The following APAF1 variants were observed in gnomAD, a reference collection of about 807,000 sequenced individuals.
APAF1 encodes apoptotic peptidase activating factor 1.
Under a neutral mutation model 152.4 loss-of-function variants are expected in APAF1, and 91 were observed. That is an observed-to-expected ratio of 0.60 (90% CI 0.50 to 0.71). The LOEUF is 0.71. Ranked by LOEUF, APAF1 falls within the 30% of genes least tolerant of loss-of-function variation. The pLI is 0.00. For synonymous variants in APAF1, 484 were observed against 494.1 expected, an observed-to-expected ratio of 0.98 and a Z score of 0.27; for missense variants, 1,283 against 1,472.0, an observed-to-expected ratio of 0.87 and a Z score of 2.10.
intron 16 of APAF1, among the ~76,000 whole-genome samples, chr12:98,691,225 CTGTACT>C (rs1565878554): frequency 6.6e-6 from 1 of 151,938 alleles, no homozygotes; most frequent in Non-Finnish European, 1.5e-5. Flanking sequence ...AGAAAAAATC[CTGTACT>C]TGTACCTACT....
In APAF1 at chr12:98,667,536, T is replaced by A. The variant is rs781296082; in HGVS notation, c.1386T>A (p.Thr462=). The A allele has an allele frequency of 5.0e-5, 80 of 1,613,874 alleles. No individual in the cohort carries two copies. Among genetic ancestry groups the A allele is most frequent in the Non-Finnish European group, 6.3e-5 (74 of 1,179,994 alleles). The change falls in exon 10 of 27, where the codon ACT becomes ACA. Residue 462 remains threonine, a synonymous_variant. Transcript: ENST00000551964. The part of the protein sequence containing the change: ...QLQDLHKKII[T]QFQRYHQPHT... ...AGGATCTACATAAGAAGATAATCACTCAGTTTCAGAGATATCACCAGCCGC... is the reference window on the plus strand; with the variant it reads ...AGGATCTACATAAGAAGATAATCACACAGTTTCAGAGATATCACCAGCCGC...
At chr12:98,654,412 A>T (rs2097653721) in intron 4 of APAF1, among the ~76,000 whole-genome samples, 1 of 151,938 alleles carries the variant, frequency 6.6e-6, no homozygotes, top group South Asian at 2.1e-4. Context: ...GATTTTTACA[A>T]ATTTTATTTT....
chr12:98,699,296 A>T, intron 16 of APAF1, 112 bp from the exon 17 acceptor site: 2 of 1,068,718 alleles, frequency 1.9e-6, no homozygotes, highest in Non-Finnish European at 2.7e-6. Context: ...AGGTAAAAAT[A>T]ATTCATCAAG....
In APAF1 at chr12:98,648,414, G is replaced by A. The variant is rs2097644749; in HGVS notation, c.55G>A (p.Asp19Asn). Residue 19 changes from aspartate to asparagine, a missense_variant, in exon 2 of 27, where the codon GAC becomes AAC. Transcript: ENST00000551964. ...LLQHREALEKDIKTSYIMDHM... is the reference protein window; with the variant it reads ...LLQHREALEKNIKTSYIMDHM... ...TCAACATAGAGAAGCTCTGGAAAAG[G>A]ACATCAAGACATCCTACATCATGGA... 2.5e-6 allele frequency: 4 copies of A among 1,614,050 alleles called. No homozygotes were observed. Among genetic ancestry groups the A allele is most frequent in the Non-Finnish European group, 3.4e-6 (4 of 1,179,954 alleles).
At chr12:98,650,224 C>T (rs142489760) in intron 4 of APAF1, among the ~76,000 whole-genome samples, 25 of 152,054 alleles carry the variant, frequency 1.6e-4, no homozygotes, top group East Asian at 3.9e-4. Flanking sequence ...AGGCCAGGCA[C>T]GGTGGCTCAT....
chr12:98,715,359 T>A (rs2097733549), intron 21 of APAF1, 68 bp from the exon 22 acceptor site: 24 of 1,511,586 alleles, frequency 1.6e-5, no homozygotes, highest in Non-Finnish European at 2.1e-5. Flanking sequence ...TAGTTTAATA[T>A]CTTTGGGGTG....
In APAF1 at chr12:98,677,473, C is replaced by A; in HGVS notation, c.1842C>A (p.His614Gln). 6.2e-7 allele frequency: 1 copy of A among 1,614,128 alleles called. No individual in the cohort carries two copies. Among genetic ancestry groups the A allele is most frequent in the Non-Finnish European group, 8.5e-7 (1 of 1,180,008 alleles). ...TTTCCCGCTTAGTTGTCCGCCCCCA[C>A]ACAGATGCTGTTTACCATGCCTGCT... ...TNLSRLVVRP[H>Q]TDAVYHACFS... is the part of the protein sequence containing the mutation. The change falls in exon 13 of 27, where the codon CAC becomes CAA. Residue 614 changes from histidine (H) to glutamine (Q), a missense_variant. Coordinates refer to ENST00000551964, the MANE Select transcript of APAF1 (RefSeq NM_181861.2).
chr12:98,691,645 T>C (rs1410852589), intron 16 of APAF1, among the ~76,000 whole-genome samples: 1 of 152,228 alleles, frequency 6.6e-6, no homozygotes, highest in African/African-American at 2.4e-5. Context: ...TGAAATCTGA[T>C]ATTTTTCTTT....
intron 10 of APAF1, 32 bp from the exon 11 acceptor site, chr12:98,670,941 G>T (rs2097679375): frequency 6.4e-6 from 9 of 1,412,954 alleles, no homozygotes; most frequent in Non-Finnish European, 8.0e-6. Context: ...ATCTCTAACA[G>T]TGCTGCTGAT....
At chr12:98,675,979 T>C (rs2097686062) in intron 12 of APAF1, among the ~76,000 whole-genome samples, 3 of 152,292 alleles carry the variant, frequency 2.0e-5, no homozygotes, top group East Asian at 3.9e-4. Flanking sequence ...ATTTGACATA[T>C]GAAGAAATAA....
At chr12:98,702,110 G>C (rs987206600) in intron 17 of APAF1, among the ~76,000 whole-genome samples, 5 of 151,784 alleles carry the variant, frequency 3.3e-5, no homozygotes, top group African/African-American at 1.2e-4. Context: ...CTTTCGCCCA[G>C]GCTGGAGTGC....
intron 17 of APAF1, 109 bp downstream of exon 17, chr12:98,699,678 A>G: frequency 7.7e-7 from 1 of 1,291,726 alleles, no homozygotes; most frequent in Non-Finnish European, 1.1e-6. Flanking sequence ...TAGCTGTGTG[A>G]TTTTGGGCAG....
rs1442977856 is a variant in APAF1, at chr12:98,711,797, GTTC to G, written c.2842-517_2842-515del. On this transcript the variant is annotated intron_variant, in intron 20 of 26. Coordinates refer to ENST00000551964, the MANE Select transcript of APAF1 (RefSeq NM_181861.2). ...CCAGCTACACAAATTATGCTTATGA[GTTC>G]TTCTCCATTGTCCTCACTGCCCCAG... 2.0e-5 allele frequency among the ~76,000 whole-genome samples: 3 copies of G among 151,802 alleles called. No homozygotes were observed. The East Asian group carries it at 5.8e-4, about 29-fold the overall frequency.
At chr12:98,656,669 A>G (rs942710945) in intron 4 of APAF1, among the ~76,000 whole-genome samples, 4 of 152,148 alleles carry the variant, frequency 2.6e-5, no homozygotes, top group Admixed American at 1.3e-4. Flanking sequence ...TGTATCATCA[A>G]CTTCTTAGAA....
At chr12:98,708,758 C>T (rs200727659) in intron 20 of APAF1, 54 bp downstream of exon 20, 1 of 1,586,000 alleles carries the variant, frequency 6.3e-7, no homozygotes, top group Non-Finnish European at 8.6e-7. Flanking sequence ...ATTTTCTATT[C>T]ACGGTTTTTC....
chr12:98,682,052 G>GTTTTTTTT (rs923577593), intron 14 of APAF1, among the ~76,000 whole-genome samples: 12 of 123,892 alleles, frequency 9.7e-5, no homozygotes, highest in Non-Finnish European at 1.2e-4. Context: ...TAATTTTTTT[G>GTTTTTTTT]TTTTTTTTTT....
intron 22 of APAF1, among the ~76,000 whole-genome samples, chr12:98,720,654 TGTTA>T (rs766427389): frequency 1.3e-4 from 20 of 152,204 alleles, no homozygotes; most frequent in Non-Finnish European, 2.2e-4. Context: ...TATAGGACTA[TGTTA>T]GTTCTTGCTG....
chr12:98,705,756 G>A (rs1029884860), intron 18 of APAF1, among the ~76,000 whole-genome samples: 2 of 152,196 alleles, frequency 1.3e-5, no homozygotes, highest in African/African-American at 4.8e-5. Context: ...TTTATTGTAG[G>A]TTTTACAGTC....
chr12:98,702,798 G>A (rs1013669221), intron 17 of APAF1, among the ~76,000 whole-genome samples: 20 of 149,334 alleles, frequency 1.3e-4, no homozygotes, highest in African/African-American at 4.7e-4. Context: ...CTGAGATTAC[G>A]CTATTGCACT....
Sources: gnomAD v4.1 joint callset for allele counts (sites outside exome capture counted in the v4.1 genomes callset) on GRCh38, gnomAD v4.1.1 for gene constraint, MANE v1.5 for transcripts, NCBI Gene and HGNC (gene_info 2026-07-23, HGNC 2026-07-21) for gene names.